Variants in RBM27 observed in about 807,000 individuals in gnomAD.
RBM27 encodes the protein RNA binding motif protein 27.
A neutral mutation model predicts 135.3 loss-of-function variants in RBM27; 22 were observed. That is an observed-to-expected ratio of 0.16 (90% confidence interval 0.12 to 0.23). The LOEUF is 0.23. RBM27 is among the 10% of genes least tolerant of loss of function. The probability of loss-of-function intolerance (pLI) is 1.00; values close to 1 mark genes in which losing one functional copy is unlikely to be tolerated. For synonymous variants in RBM27, 481 were observed against 442.4 expected (o/e 1.09, Z -1.10); for missense variants, 1,009 against 1,281.0 (o/e 0.79, Z 3.24).
chr5:146,230,839 A>G lies in RBM27; in HGVS notation c.772A>G (p.Asn258Asp). 6.2e-7 allele frequency: 1 copy of G among 1,614,096 alleles called. No homozygotes were observed. Among genetic ancestry groups the G allele is most frequent in the East Asian group, 2.2e-5 (1 of 44,888 alleles). The change falls in exon 6 of 21, where the codon AAT (asparagine) becomes GAT (aspartate). Residue 258 changes from asparagine (N) to aspartate (D), a missense_variant. Coordinates refer to ENST00000265271, the MANE Select transcript of RBM27 (RefSeq NM_018989.2). ...HSENTTESWS[N>D]YYNNHSSSNS... The stretch of plus-strand genomic sequence containing the variant: ...TGAAAACACAACTGAGAGTTGGTCT[A>G]ATTACTATAACAATCATAGCTCTTC...
At chr5:146,209,890 T>C (rs1163992312) in intron 1 of RBM27, among the ~76,000 whole-genome samples, 1 of 152,144 alleles carries the variant, frequency 6.6e-6, no homozygotes, top group East Asian at 1.9e-4. Context: ...TAAGAACATA[T>C]TTGTTCTTAT....
Position 146,251,703 on chromosome 5 carries a change from C to G in RBM27, c.1280-8C>G. The G allele has an allele frequency of 6.2e-7, 1 of 1,601,064 alleles. No homozygotes were observed. Among genetic ancestry groups the G allele is most frequent in the Non-Finnish European group, 8.6e-7 (1 of 1,168,556 alleles). On this transcript the variant is annotated splice_region_variant and splice_polypyrimidine_tract_variant and intron_variant, in intron 8 of 20. Transcript: ENST00000265271. ...TTCCCAGCTGCCCTCCTATTCTTTC[C>G]TCTATAGGACAGCCCATGTACTCTC... is the stretch of plus-strand genomic sequence containing the variant.
intron 8 of RBM27, among the ~76,000 whole-genome samples, chr5:146,243,795 G>A (rs1757506766): frequency 6.6e-6 from 1 of 152,124 alleles, no homozygotes. Flanking sequence ...GGTGAAAAAT[G>A]CATATCAAAT....
Position 146,269,434 on chromosome 5 carries a change from G to A in RBM27, c.2541G>A (p.Lys847=). 6.4e-7 allele frequency: 1 copy of A among 1,558,456 alleles called. No individual in the cohort carries two copies. The highest frequency in any genetic ancestry group is 8.7e-7 in the Non-Finnish European group (1 of 1,155,888). Residue 847 remains lysine, a synonymous_variant, in exon 17 of 21, where the codon AAG becomes AAA. Coordinates refer to ENST00000265271, the MANE Select transcript of RBM27 (RefSeq NM_018989.2). ...TTATTTCGTAGATGTTAATATCCAA[G>A]TTAGAAAAAAACAAAAACATGAAAC... ...QIECQKMLIS[K]LEKNKNMKPE... is the part of the protein sequence containing the mutation.
intron 8 of RBM27, among the ~76,000 whole-genome samples, chr5:146,249,709 TAAAAAAAA>T (rs71581865): frequency 6.4e-5 from 9 of 140,062 alleles, no homozygotes; most frequent in African/African-American, 2.6e-5. Context: ...AAAGAAAAAG[TAAAAAAAA>T]AAGAAAAAAA....
At chr5:146,244,859 CATTTATTT>C (rs766229886) in intron 8 of RBM27, among the ~76,000 whole-genome samples, 2 of 151,796 alleles carry the variant, frequency 1.3e-5, no homozygotes, top group Non-Finnish European at 2.9e-5. Context: ...ATTTTAAAAA[CATTTATTT>C]ATTTATTTAT....
rs1483868988 is a variant in RBM27 at position 146,263,883 on chromosome 5, T to A, written c.2331+252T>A. 2.6e-5 allele frequency among the ~76,000 whole-genome samples: 4 copies of A among 151,926 alleles called. No homozygotes were observed. In the East Asian group the frequency reaches 7.8e-4, roughly 30 times the overall value. On this transcript the variant is annotated intron_variant, in intron 14 of 20. Coordinates refer to ENST00000265271, the MANE Select transcript of RBM27 (RefSeq NM_018989.2). ...ACTTTGGGAAGCCTGGGTGAGTGGA[T>A]CACCTGAGGTCAGGAGTTTGAGACC...
In RBM27 at chr5:146,276,177, GT is replaced by G. The variant is rs893434942; in HGVS notation, c.2988+4512del. Among the ~76,000 whole-genome samples the G allele has an allele frequency of 4.0e-5, 6 of 150,198 alleles. No individual in the cohort carries two copies. In the South Asian group the frequency reaches 6.3e-4, roughly 16 times the overall value. On this transcript the variant is annotated intron_variant, in intron 19 of 20. Transcript: ENST00000265271. ...AATCTTTCTGCTTCCCACCTCTCCA[GT>G]TTTTTTTTGACCTTGTCGTGTTTTC...
intron 19 of RBM27, among the ~76,000 whole-genome samples, chr5:146,283,642 T>C (rs549914370): frequency 1.3e-5 from 2 of 152,290 alleles, no homozygotes; most frequent in Admixed American, 6.5e-5. Context: ...GTTATGAGCA[T>C]TTAGACCCTT....
intron 9 of RBM27, among the ~76,000 whole-genome samples, chr5:146,252,509 A>G (rs1757935829): frequency 6.6e-6 from 1 of 152,196 alleles, no homozygotes; most frequent in Non-Finnish European, 1.5e-5. Flanking sequence ...AGGTCATTTG[A>G]TTATGTAACT....
rs531919468 is a variant in RBM27 at position 146,280,642 on chromosome 5, T to C, written c.2989-3980T>C. On this transcript the variant is annotated intron_variant, in intron 19 of 20. Coordinates refer to ENST00000265271, the MANE Select transcript of RBM27 (RefSeq NM_018989.2). The stretch of plus-strand genomic sequence containing the variant: ...CAGTCAATCCTTATTATTTTCAGAT[T>C]CCACATTTGCCAATTCATCTACTCA... Among the ~76,000 whole-genome samples, 551 of 152,254 alleles carry C rather than the reference T, an allele frequency of 3.6e-3. 3 individuals are homozygous for C. The highest frequency in any genetic ancestry group is 6.2e-3 in the Non-Finnish European group (419 of 68,014).
At chr5:146,271,230 G>A (rs572767712) in intron 18 of RBM27, among the ~76,000 whole-genome samples, 172 bp downstream of exon 18, 8 of 152,048 alleles carry the variant, frequency 5.3e-5, no homozygotes, top group Non-Finnish European at 8.8e-5. Flanking sequence ...GAGAAACCCC[G>A]TCTCTACTAA....
At chr5:146,218,616 A>T (rs1489881027) in intron 1 of RBM27, among the ~76,000 whole-genome samples, 1 of 152,174 alleles carries the variant, frequency 6.6e-6, no homozygotes. Context: ...ATCACCTGGA[A>T]CAGATAGTTC....
intron 8 of RBM27, among the ~76,000 whole-genome samples, chr5:146,244,116 T>G (rs1757519979): frequency 6.6e-6 from 1 of 152,184 alleles, no homozygotes; most frequent in Non-Finnish European, 1.5e-5. Flanking sequence ...TGTCACTGGT[T>G]TTGGAAAAAG....
intron 11 of RBM27, 47 bp from the exon 12 acceptor site, chr5:146,260,698 G>A (rs1445592232): frequency 6.7e-7 from 1 of 1,482,426 alleles, no homozygotes; most frequent in Admixed American, 2.2e-5. Flanking sequence ...CTCTTTGCTA[G>A]GCATGAAGTA....
At position 146,211,576 on chromosome 5, in the gene RBM27, G is replaced by C. The variant is rs933921774; in HGVS notation, c.60-7409G>C. Among the ~76,000 whole-genome samples, 6 of 148,790 alleles carry C rather than the reference G, an allele frequency of 4.0e-5. No homozygotes were observed. The East Asian group carries it at 1.2e-3, about 30-fold the overall frequency. On this transcript the variant is annotated intron_variant, in intron 1 of 20. Transcript: ENST00000265271. Reference sequence around the variant, plus strand: ...GGCTCACCACAACCTCCGCCTCCTGGGTTCAAGCTATTATCCTGCCTCAGC... The same window carrying C: ...GGCTCACCACAACCTCCGCCTCCTGCGTTCAAGCTATTATCCTGCCTCAGC...
rs746529163 is a variant in RBM27, at chr5:146,267,607, AATT to A, written c.2332-39_2332-37del. 2.4e-6 allele frequency: 3 copies of A among 1,259,738 alleles called. No homozygotes were observed. In the Admixed American group the frequency reaches 6.5e-5, roughly 27 times the overall value. 78.0% of individuals were successfully genotyped at this position (1,259,738 alleles called of 1,614,324 possible). ...AGTATTCTAAGCATTTCTAAGATAT[AATT>A]ATATTTGTGTGTGCTTTTTTTTTTT... On this transcript the variant is annotated intron_variant, in intron 14 of 20. Transcript: ENST00000265271.
Position 146,230,686 on chromosome 5 carries a change from G to C in RBM27, c.619G>C (p.Glu207Gln). The change falls in exon 6 of 21, where the codon GAA becomes CAA. Residue 207 changes from glutamate to glutamine, a missense_variant. Glu to Gln is a conservative substitution (Grantham distance 29). Around this residue, in one of 6 missense-constraint regions of RBM27, gnomAD observed 268 missense variants for 326.6 expected, o/e 0.82. Coordinates refer to ENST00000265271, the MANE Select transcript of RBM27 (RefSeq NM_018989.2). Reference protein sequence around the residue: ...EHRERSKFKSERNDLESSYVP... With the variant: ...EHRERSKFKSQRNDLESSYVP... The stretch of plus-strand genomic sequence containing the variant: ...CAGGGAAAGATCGAAGTTTAAGAGT[G>C]AAAGGAATGACCTGGAGAGTTCCTA... 1 of 1,614,098 alleles carries C rather than the reference G, an allele frequency of 6.2e-7. No homozygotes were observed. Among genetic ancestry groups the C allele is most frequent in the Non-Finnish European group, 8.5e-7 (1 of 1,179,974 alleles).
chr5:146,221,968 G>T (rs1242591008), intron 2 of RBM27, among the ~76,000 whole-genome samples: 1 of 151,580 alleles, frequency 6.6e-6, no homozygotes, highest in African/African-American at 2.4e-5. Context: ...CAAACTCTTT[G>T]GTTTCCCAGA....
Sources: allele counts gnomAD v4.1 joint callset (sites outside exome capture counted in the v4.1 genomes callset), GRCh38; gene constraint gnomAD v4.1.1; regional missense constraint gnomAD v4.1.1; transcripts MANE v1.5; gene names NCBI Gene and HGNC (gene_info 2026-07-23, HGNC 2026-07-21).